The following SCEL variants were observed in gnomAD, a reference collection of about 807,000 sequenced individuals.
SCEL encodes the protein sciellin.
In SCEL, 113 loss-of-function variants were observed where a neutral mutation model predicts 117.6. The ratio of observed to expected loss-of-function variants is 0.96; its 90% CI spans 0.83 to 1.12. SCEL has a LOEUF of 1.12. Among genes scored for constraint, SCEL ranks in the 50% most tolerant of loss-of-function variants. The pLI, the probability that SCEL is intolerant of heterozygous loss-of-function variation, is 0.00. For missense variants in SCEL, 785 were observed against 810.8 expected (o/e 0.97, Z 0.39); for synonymous variants, 270 against 256.2 (o/e 1.05, Z -0.51).
At chr13:77,546,726 G>A (rs946099050) in intron 1 of SCEL, among the ~76,000 whole-genome samples, 4 of 151,884 alleles carry the variant, frequency 2.6e-5, no homozygotes, top group African/African-American at 7.3e-5. Flanking sequence ...CAAACGAGGC[G>A]GTTTATTTTT....
At chr13:77,542,283 C>A (rs980802104) in intron 1 of SCEL, among the ~76,000 whole-genome samples, 1 of 152,116 alleles carries the variant, frequency 6.6e-6, no homozygotes, top group Non-Finnish European at 1.5e-5. Context: ...TGCCTGTAAT[C>A]CCAGCTACTC....
chr13:77,638,172 A>T (rs867740344), intron 30 of SCEL, among the ~76,000 whole-genome samples: 13 of 152,226 alleles, frequency 8.5e-5, no homozygotes, highest in Middle Eastern at 6.8e-3. Context: ...AATTTTTTTT[A>T]AAAAAACATG....
intron 28 of SCEL, among the ~76,000 whole-genome samples, chr13:77,629,827 A>C (rs973471721): frequency 5.3e-5 from 8 of 152,134 alleles, no homozygotes; most frequent in Non-Finnish European, 1.2e-4. Flanking sequence ...ATGGCAAGAG[A>C]CTGAGTGGGG....
intron 9 of SCEL, among the ~76,000 whole-genome samples, chr13:77,580,343 G>C (rs1188380123): frequency 6.6e-6 from 1 of 152,174 alleles, no homozygotes; most frequent in African/African-American, 2.4e-5. Context: ...CATTTTTCAA[G>C]TTCTTAAACA....
At chr13:77,598,003 C>T (rs1470132759) in intron 13 of SCEL, among the ~76,000 whole-genome samples, 1 of 149,942 alleles carries the variant, frequency 6.7e-6, no homozygotes, top group African/African-American at 2.5e-5. Context: ...ACTCTCTTAC[C>T]CAGGCTGGAG....
rs2087040244 is a variant in SCEL, at chr13:77,593,504, T to C, written c.693-10T>C. On this transcript the variant is annotated splice_polypyrimidine_tract_variant and intron_variant, in intron 11 of 32. Transcript: ENST00000349847. ...ATCATTGACCTGTATTTATTTTTCA[T>C]TGTTTGAAGGAGTCAGGATCTTGAT... is the stretch of plus-strand genomic sequence containing the variant. 1.2e-6 allele frequency: 2 copies of C among 1,606,220 alleles called. No individual in the cohort carries two copies. Among genetic ancestry groups the C allele is most frequent in the Non-Finnish European group, 1.7e-6 (2 of 1,174,170 alleles).
chr13:77,598,478 C>T (rs553221501), intron 13 of SCEL, among the ~76,000 whole-genome samples: 1 of 152,120 alleles, frequency 6.6e-6, no homozygotes, highest in Non-Finnish European at 1.5e-5. Flanking sequence ...TCAGGAGTCA[C>T]AGACTCCACG....
intron 27 of SCEL, among the ~76,000 whole-genome samples, chr13:77,626,194 T>G (rs2089723270): frequency 6.6e-6 from 1 of 152,164 alleles, no homozygotes; most frequent in Non-Finnish European, 1.5e-5. Flanking sequence ...AGAGCTTGTT[T>G]AGGAGAATTC....
chr13:77,569,512 G>GT, intron 8 of SCEL, 61 bp downstream of exon 8: 1 of 1,301,942 alleles, frequency 7.7e-7, no homozygotes, highest in East Asian at 2.3e-5. Context: ...GCATTAGAAA[G>GT]CTTCCTCCTC....
chr13:77,565,685 G>A (rs1017892304), intron 5 of SCEL, among the ~76,000 whole-genome samples: 3 of 152,180 alleles, frequency 2.0e-5, no homozygotes, highest in Admixed American at 2.0e-4. Flanking sequence ...TAATAATGAT[G>A]CACTTGTTTT....
chr13:77,613,857 T>A, intron 23 of SCEL, 36 bp from the exon 24 acceptor site: 1 of 1,543,596 alleles, frequency 6.5e-7, no homozygotes, highest in Non-Finnish European at 9.0e-7. Flanking sequence ...GAAATGCCAG[T>A]ATGAAATTTG....
intron 10 of SCEL, 57 bp downstream of exon 10, chr13:77,589,281 T>C (rs2154399916): frequency 7.6e-7 from 1 of 1,310,128 alleles, no homozygotes; most frequent in East Asian, 2.3e-5. Context: ...GAAATGAAAG[T>C]AAATGGACTG....
intron 23 of SCEL, 96 bp downstream of exon 23, chr13:77,613,037 G>A: frequency 4.2e-6 from 3 of 708,690 alleles, no homozygotes; most frequent in Middle Eastern, 2.7e-4. Context: ...TTTGAAAGGG[G>A]ACATGAAAAA....
At position 77,593,259 on chromosome 13, in the gene SCEL, A is replaced by AGTGTGTGTGTGT. The variant is rs4052543; in HGVS notation, c.693-228_693-217dup. Among the ~76,000 whole-genome samples, 1,022 of 111,148 alleles carry AGTGTGTGTGTGT rather than the reference A, an allele frequency of 9.2e-3. 13 individuals are homozygous for AGTGTGTGTGTGT. The highest frequency in any genetic ancestry group is 0.03 in the East Asian group (87 of 2,944). 72.9% of individuals were successfully genotyped at this position (111,148 alleles called of 152,430 possible). A position where few individuals can be genotyped will look rare whatever the true frequency, so the allele number is the denominator to read the frequency against. On this transcript the variant is annotated intron_variant, in intron 11 of 32. Coordinates refer to ENST00000349847, the MANE Select transcript of SCEL (RefSeq NM_144777.3). ...ACACCCAGGTGGAATAACAGAGGGG[A>AGTGTGTGTGTGT]GTGTGTGTGTGTGTGTGTGTGTGTG... is the stretch of plus-strand genomic sequence containing the variant.
intron 27 of SCEL, among the ~76,000 whole-genome samples, chr13:77,623,121 A>G (rs1054547600): frequency 6.6e-6 from 1 of 152,234 alleles, no homozygotes; most frequent in Non-Finnish European, 1.5e-5. Flanking sequence ...ACAGTTCTTC[A>G]TCTTACACCA....
intron 27 of SCEL, among the ~76,000 whole-genome samples, chr13:77,618,477 C>A (rs1323734099): frequency 6.6e-6 from 1 of 152,078 alleles, no homozygotes; most frequent in Non-Finnish European, 1.5e-5. Context: ...CCACTCCTTC[C>A]TATCCTTTTT....
At chr13:77,536,821 A>G (rs980366893) in intron 1 of SCEL, among the ~76,000 whole-genome samples, 3 of 152,220 alleles carry the variant, frequency 2.0e-5, no homozygotes, top group Non-Finnish European at 4.4e-5. Context: ...CCTATTGCTG[A>G]CAAGGTCACC....
intron 1 of SCEL, among the ~76,000 whole-genome samples, chr13:77,548,265 G>A (rs896056992): frequency 8.5e-5 from 13 of 152,222 alleles, no homozygotes; most frequent in Non-Finnish European, 1.8e-4. Flanking sequence ...AATGAGTGAC[G>A]AAGCTGGGGA....
chr13:77,610,318 G>T (rs763752778), intron 22 of SCEL, among the ~76,000 whole-genome samples: 3 of 151,992 alleles, frequency 2.0e-5, no homozygotes, highest in Non-Finnish European at 2.9e-5. Flanking sequence ...TGGGCGTGGT[G>T]GTGGGTGCCT....
Sources: gnomAD v4.1 joint callset for allele counts (sites outside exome capture counted in the v4.1 genomes callset) on GRCh38, gnomAD v4.1.1 for gene constraint, MANE v1.5 for transcripts, NCBI Gene and HGNC (gene_info 2026-07-23, HGNC 2026-07-21) for gene names.